The following MMP16 variants were observed in gnomAD, a reference collection of about 807,000 sequenced individuals.
The protein encoded by MMP16 is matrix metallopeptidase 16.
In MMP16, 12 loss-of-function variants were observed where a neutral mutation model predicts 67.8. The ratio of observed to expected loss-of-function variants is 0.18; its 90% CI spans 0.11 to 0.29. The LOEUF (loss-of-function observed/expected upper bound fraction) is 0.29. MMP16 is among the 10% of genes least tolerant of loss of function. The pLI is 1.00. For synonymous variants in MMP16, 249 were observed against 255.9 expected, an observed-to-expected ratio of 0.97 and a Z score of 0.26; for missense variants, 475 against 765.7, an observed-to-expected ratio of 0.62 and a Z score of 4.48.
At chr8:88,060,699 G>A (rs1424237383) in intron 7 of MMP16, among the ~76,000 whole-genome samples, 1 of 152,026 alleles carries the variant, frequency 6.6e-6, no homozygotes, top group Non-Finnish European at 1.5e-5. Flanking sequence ...ATTGTACCTT[G>A]ATGAATCACA....
chr8:88,122,156 T>C (rs1807850676), intron 4 of MMP16, among the ~76,000 whole-genome samples: 1 of 152,076 alleles, frequency 6.6e-6, no homozygotes, highest in Admixed American at 6.6e-5. Context: ...CTTACACTTT[T>C]ATCAAATATG....
At chr8:88,317,343 C>T (rs1811389555) in intron 1 of MMP16, among the ~76,000 whole-genome samples, 1 of 152,190 alleles carries the variant, frequency 6.6e-6, no homozygotes, top group Admixed American at 6.5e-5. Flanking sequence ...GATCAGTCAG[C>T]AGTCAGCAGC....
intron 6 of MMP16, among the ~76,000 whole-genome samples, chr8:88,088,024 TTA>T (rs1413919333): frequency 1.7e-5 from 2 of 115,206 alleles, no homozygotes; most frequent in East Asian, 2.3e-4. Context: ...TGTATCTATA[TTA>T]TATATATAGA....
In MMP16 at chr8:88,273,046, A is replaced by G. The variant is rs1007934090; in HGVS notation, c.132+54029T>C. 2.6e-5 allele frequency among the ~76,000 whole-genome samples: 4 copies of G among 151,614 alleles called. No homozygotes were observed. In the East Asian group the frequency reaches 5.8e-4, roughly 22 times the overall value. On this transcript the variant is annotated intron_variant, in intron 1 of 9. Transcript: ENST00000286614. ...AAAACAAAAAAAAAGAAAAAAAAAA[A>G]GGTATCCTTCTTGCTTTGAATAGCT...
intron 4 of MMP16, among the ~76,000 whole-genome samples, chr8:88,150,714 G>A (rs1319705280): frequency 1.8e-4 from 26 of 141,182 alleles, no homozygotes; most frequent in East Asian, 6.4e-4. Context: ...TGAAGGAAGC[G>A]CTAAACATGG....
chr8:88,188,519 T>A lies in MMP16; in HGVS notation c.282-1921A>T, dbSNP rs186765116. On this transcript the variant is annotated intron_variant, in intron 2 of 9. Coordinates refer to ENST00000286614, the MANE Select transcript of MMP16 (RefSeq NM_005941.5). ...AATTAACTATTATCAGAATAAAATG[T>A]ATTTTCAATGAGGGTATAGTCTCTA... Among the ~76,000 whole-genome samples the A allele has an allele frequency of 2.8e-3, 433 of 152,318 alleles. 3 individuals carry two copies. Among genetic ancestry groups the A allele is most frequent in the African/African-American group, 9.9e-3 (412 of 41,572 alleles).
chr8:88,286,029 C>G (rs550333306), intron 1 of MMP16, among the ~76,000 whole-genome samples: 1 of 152,272 alleles, frequency 6.6e-6, no homozygotes, highest in South Asian at 2.1e-4. Context: ...ATCATTCTTC[C>G]AAATGATTTC....
intron 8 of MMP16, among the ~76,000 whole-genome samples, chr8:88,055,286 C>T (rs1808317343): frequency 6.6e-6 from 1 of 152,118 alleles, no homozygotes; most frequent in South Asian, 2.1e-4. Context: ...CAGCTCACTG[C>T]AGCCTTTGCC....
At chr8:88,199,023 A>G (rs1586201082) in intron 1 of MMP16, among the ~76,000 whole-genome samples, 1 of 152,172 alleles carries the variant, frequency 6.6e-6, no homozygotes, top group African/African-American at 2.4e-5. Flanking sequence ...AGAACGTTGT[A>G]TCTTGATTTT....
chr8:88,178,025 C>T (rs1385025101), intron 3 of MMP16, among the ~76,000 whole-genome samples: 1 of 151,530 alleles, frequency 6.6e-6, no homozygotes, highest in Non-Finnish European at 1.5e-5. Context: ...AAAAAAAGAA[C>T]TCTAGAAGAA....
At chr8:88,124,132 A>C (rs1807887216) in intron 4 of MMP16, among the ~76,000 whole-genome samples, 1 of 152,000 alleles carries the variant, frequency 6.6e-6, no homozygotes, top group Non-Finnish European at 1.5e-5. Flanking sequence ...ATTGAGATTT[A>C]TTTGATGACA....
At chr8:88,234,809 C>G (rs918208850) in intron 1 of MMP16, among the ~76,000 whole-genome samples, 1 of 152,170 alleles carries the variant, frequency 6.6e-6, no homozygotes. Flanking sequence ...GCATATACTG[C>G]CCTTTATTCC....
intron 7 of MMP16, among the ~76,000 whole-genome samples, chr8:88,068,597 T>G (rs1808493591): frequency 6.6e-6 from 1 of 152,130 alleles, no homozygotes; most frequent in Admixed American, 6.6e-5. Flanking sequence ...TTTTGTTTTG[T>G]TTTTTTACAT....
intron 1 of MMP16, among the ~76,000 whole-genome samples, chr8:88,283,764 G>A (rs983258875): frequency 2.6e-5 from 4 of 151,810 alleles, no homozygotes; most frequent in South Asian, 2.1e-4. Flanking sequence ...CTGTGATACC[G>A]AGAACATATA....
chr8:88,267,834 T>A (rs1470532735), intron 1 of MMP16, among the ~76,000 whole-genome samples: 1 of 152,210 alleles, frequency 6.6e-6, no homozygotes. Context: ...TATACTTTGA[T>A]AAAGTCCTGT....
chr8:88,236,842 C>T lies in MMP16; in HGVS notation c.133-39536G>A, dbSNP rs571872418. On this transcript the variant is annotated intron_variant, in intron 1 of 9. Coordinates refer to ENST00000286614, the MANE Select transcript of MMP16 (RefSeq NM_005941.5). ...CACTTTTCAGAGCTGGGCCACTGCT[C>T]ATCTCACCTGTTCCAACATTTACTC... Among the ~76,000 whole-genome samples the T allele has an allele frequency of 1.8e-4, 27 of 148,640 alleles. 2 individuals are homozygous for T. In the South Asian group the frequency reaches 4.7e-3, roughly 26 times the overall value.
intron 1 of MMP16, among the ~76,000 whole-genome samples, chr8:88,205,596 C>T (rs187240789): frequency 1.3e-5 from 2 of 152,294 alleles, no homozygotes; most frequent in African/African-American, 4.8e-5. Flanking sequence ...TAGAGTATTT[C>T]ACTTACGGCC....
intron 7 of MMP16, among the ~76,000 whole-genome samples, chr8:88,073,234 T>C (rs942013714): frequency 6.6e-6 from 1 of 152,190 alleles, no homozygotes. Flanking sequence ...GTGGTATCCT[T>C]GCTTTGTCCA....
intron 1 of MMP16, among the ~76,000 whole-genome samples, chr8:88,311,909 T>A (rs1033892005): frequency 6.6e-6 from 1 of 152,056 alleles, no homozygotes; most frequent in Non-Finnish European, 1.5e-5. Flanking sequence ...CAACCCAAAA[T>A]AGACATCAGA....
Sources: gnomAD v4.1 joint callset for allele counts (sites outside exome capture counted in the v4.1 genomes callset) on GRCh38, gnomAD v4.1.1 for gene constraint, MANE v1.5 for transcripts, NCBI Gene and HGNC (gene_info 2026-07-23, HGNC 2026-07-21) for gene names.